Variants in RIMS1 observed in about 807,000 individuals in gnomAD.
RIMS1 encodes the protein regulating synaptic membrane exocytosis 1.
In RIMS1, 83 loss-of-function variants were observed where a neutral mutation model predicts 214.1. The observed-to-expected ratio is 0.39, with a 90% CI of 0.32 to 0.47. The LOEUF is 0.47. RIMS1 is among the 20% of genes least tolerant of loss of function. The pLI, the probability that RIMS1 is intolerant of heterozygous loss-of-function variation, is 0.99. For synonymous variants in RIMS1, 793 were observed against 786.8 expected, an observed-to-expected ratio of 1.01 and a Z score of -0.13; for missense variants, 2,050 against 2,161.8, an observed-to-expected ratio of 0.95 and a Z score of 1.03.
At chr6:71,919,056 G>A (rs1779238414) in intron 1 of RIMS1, among the ~76,000 whole-genome samples, 1 of 152,156 alleles carries the variant, frequency 6.6e-6, no homozygotes, top group African/African-American at 2.4e-5. Flanking sequence ...TTAGATGTGG[G>A]TTTCAGGAAT....
At chr6:72,355,699 AC>A (rs2097603999) in intron 29 of RIMS1, among the ~76,000 whole-genome samples, 2 of 152,274 alleles carry the variant, frequency 1.3e-5, no homozygotes, top group South Asian at 4.1e-4. Flanking sequence ...TAATAAACAT[AC>A]ATGTCTCCCA....
At chr6:72,147,932 C>G (rs1236318463) in intron 4 of RIMS1, among the ~76,000 whole-genome samples, 1 of 152,128 alleles carries the variant, frequency 6.6e-6, no homozygotes, top group Admixed American at 6.5e-5. Context: ...ATGTTTTTGC[C>G]AGCATCCCAG....
chr6:72,132,667 C>G (rs2040626948), intron 4 of RIMS1, among the ~76,000 whole-genome samples: 1 of 151,310 alleles, frequency 6.6e-6, no homozygotes, highest in Non-Finnish European at 1.5e-5. Flanking sequence ...TGGTATTACT[C>G]AAATATGGTC....
intron 2 of RIMS1, among the ~76,000 whole-genome samples, chr6:72,038,118 A>AAAAAAAAATAT (rs1820399900): frequency 7.5e-5 from 1 of 13,418 alleles, no homozygotes; most frequent in Non-Finnish European, 1.2e-4. Flanking sequence ...AAAAAAAAAA[A>AAAAAAAAATAT]ATATATATAT....
At chr6:72,005,351 C>A (rs1211082159) in intron 2 of RIMS1, among the ~76,000 whole-genome samples, 1 of 152,092 alleles carries the variant, frequency 6.6e-6, no homozygotes, top group African/African-American at 2.4e-5. Flanking sequence ...CTTGGCGATG[C>A]GGGCTCTTTT....
At chr6:72,283,826 T>C (rs751127405) in intron 23 of RIMS1, among the ~76,000 whole-genome samples, 30 of 152,318 alleles carry the variant, frequency 2.0e-4, no homozygotes, top group Middle Eastern at 3.4e-3. Context: ...TCTCGTGTCT[T>C]CTATTGGGCA....
intron 29 of RIMS1, among the ~76,000 whole-genome samples, chr6:72,388,055 C>A (rs967708074): frequency 2.6e-5 from 4 of 152,024 alleles, no homozygotes; most frequent in Non-Finnish European, 4.4e-5. Context: ...GTTCTAGATA[C>A]GAGGAATAAC....
chr6:72,099,526 A>G (rs560065936), intron 3 of RIMS1, among the ~76,000 whole-genome samples: 21 of 152,286 alleles, frequency 1.4e-4, no homozygotes, highest in Middle Eastern at 3.4e-3. Flanking sequence ...TATTATAAAC[A>G]TTTCTCATTC....
chr6:71,900,061 T>TA (rs150315647), intron 1 of RIMS1, among the ~76,000 whole-genome samples: 4,176 of 152,254 alleles, frequency 0.027, 82 homozygotes, highest in Admixed American at 0.042. Flanking sequence ...AATATTTTGA[T>TA]AAAATAATAC....
intron 2 of RIMS1, among the ~76,000 whole-genome samples, chr6:71,978,447 G>A (rs1172701740): frequency 2.6e-5 from 4 of 152,008 alleles, no homozygotes. Flanking sequence ...CTGATAGTCT[G>A]TTGGGACAGA....
intron 26 of RIMS1, among the ~76,000 whole-genome samples, chr6:72,303,431 GTAGT>G (rs2094836461): frequency 6.6e-6 from 1 of 151,036 alleles, no homozygotes; most frequent in Non-Finnish European, 1.5e-5. Flanking sequence ...TGTGAAAAGA[GTAGT>G]TATTTTAATA....
chr6:72,041,752 C>T (rs1821496321), intron 2 of RIMS1, among the ~76,000 whole-genome samples: 1 of 151,910 alleles, frequency 6.6e-6, no homozygotes, highest in Non-Finnish European at 1.5e-5. Context: ...TATTACTGAG[C>T]ACATGCTCAA....
At chr6:72,137,417 A>T (rs1717932353) in intron 4 of RIMS1, among the ~76,000 whole-genome samples, 1 of 151,952 alleles carries the variant, frequency 6.6e-6, no homozygotes, top group Non-Finnish European at 1.5e-5. Context: ...TTGTATTATT[A>T]ATTTAATTAT....
At chr6:72,213,207 C>A (rs1348116165) in intron 6 of RIMS1, 3 of 1,536,148 alleles carry the variant, frequency 2.0e-6, no homozygotes, top group Non-Finnish European at 8.7e-7. Flanking sequence ...AATTGAAGCT[C>A]GACGAGCAGT....
At chr6:72,074,090 A>G (rs575672023) in intron 2 of RIMS1, among the ~76,000 whole-genome samples, 7 of 152,300 alleles carry the variant, frequency 4.6e-5, no homozygotes, top group South Asian at 2.1e-4. Context: ...TGACACAAAA[A>G]TGGTCTGGAA....
rs1027056228 is a variant in RIMS1 at position 71,934,665 on chromosome 6, C to T, written c.165-34318C>T. On this transcript the variant is annotated intron_variant, in intron 1 of 33. Coordinates refer to ENST00000521978, the MANE Select transcript of RIMS1 (RefSeq NM_014989.7). ...GGGAAGGAAGGGGAATCAATATTAG[C>T]GGGATTATATTAGTGCTGGCTAATT... Among the ~76,000 whole-genome samples the T allele has an allele frequency of 1.9e-4, 29 of 152,038 alleles. 1 individual carries two copies. Among genetic ancestry groups the T allele is most frequent in the Admixed American group, 1.6e-3 (24 of 15,248 alleles).
In RIMS1 at chr6:72,041,954, C is replaced by T. The variant is rs559142127; in HGVS notation, c.246-54995C>T. Reference sequence around the variant, plus strand: ...ATTCACACCAAGACTGACCTAACGCCAGACTCCAACTCTAAACCATTATGT... The same window carrying T: ...ATTCACACCAAGACTGACCTAACGCTAGACTCCAACTCTAAACCATTATGT... On this transcript the variant is annotated intron_variant, in intron 2 of 33. Coordinates refer to ENST00000521978, the MANE Select transcript of RIMS1 (RefSeq NM_014989.7). Among the ~76,000 whole-genome samples, 52 of 151,994 alleles carry T rather than the reference C, an allele frequency of 3.4e-4. No individual in the cohort carries two copies. In the South Asian group the frequency reaches 7.9e-3, roughly 23 times the overall value.
At chr6:72,213,735 A>G (rs1278799877) in intron 6 of RIMS1, among the ~76,000 whole-genome samples, 1 of 152,210 alleles carries the variant, frequency 6.6e-6, no homozygotes, top group Non-Finnish European at 1.5e-5. Context: ...CGAAAGTACC[A>G]AAACCTTTTC....
At chr6:72,349,252 G>A (rs2807504) in intron 29 of RIMS1, among the ~76,000 whole-genome samples, 119,320 of 151,928 alleles carry the variant, frequency 0.79, 47,651 homozygotes, top group African/African-American at 0.94. Flanking sequence ...AACATTCTGT[G>A]TTCCAGATTC....
Sources: gnomAD v4.1 joint callset for allele counts (sites outside exome capture counted in the v4.1 genomes callset) on GRCh38, gnomAD v4.1.1 for gene constraint, MANE v1.5 for transcripts, NCBI Gene and HGNC (gene_info 2026-07-23, HGNC 2026-07-21) for gene names.